Variants in TMC2 observed in about 807,000 individuals in gnomAD.
TMC2 encodes transmembrane channel like 2, also known as transmembrane channel-like protein 2.
Under a neutral mutation model 105.9 loss-of-function variants are expected in TMC2, and 102 were observed. The ratio of observed to expected loss-of-function variants is 0.96; its 90% confidence interval spans 0.82 to 1.14. The LOEUF (loss-of-function observed/expected upper bound fraction) is 1.14. TMC2 is among the 50% of genes most tolerant of loss of function. The pLI is 0.00. For synonymous variants in TMC2, 402 were observed against 422.8 expected (o/e 0.95, Z 0.60); for missense variants, 1,093 against 1,134.3 (o/e 0.96, Z 0.52).
intron 9 of TMC2, among the ~76,000 whole-genome samples, chr20:2,596,398 G>A (rs940592325): frequency 7.2e-5 from 11 of 152,126 alleles, no homozygotes; most frequent in South Asian, 6.2e-4. Flanking sequence ...TTGGGAGGCC[G>A]AGGCAGGCAG....
chr20:2,629,280 G>A (rs545220976), intron 17 of TMC2, among the ~76,000 whole-genome samples: 1 of 151,936 alleles, frequency 6.6e-6, no homozygotes, highest in African/African-American at 2.4e-5. Flanking sequence ...TACCTTCCAT[G>A]GGAAAAACAA....
At chr20:2,572,655 G>T (rs1194365971) in intron 5 of TMC2, among the ~76,000 whole-genome samples, 1 of 152,204 alleles carries the variant, frequency 6.6e-6, no homozygotes. Context: ...TCCCCAGACG[G>T]ATGGGGGCAG....
intron 11 of TMC2, among the ~76,000 whole-genome samples, chr20:2,602,550 A>T (rs1254164432): frequency 6.6e-6 from 1 of 152,218 alleles, no homozygotes; most frequent in African/African-American, 2.4e-5. Flanking sequence ...TGCAACACCA[A>T]TTACTAACGA....
In TMC2 at chr20:2,572,219, G is replaced by A. The variant is rs773991098; in HGVS notation, c.595G>A (p.Gly199Arg). The A allele has an allele frequency of 1.2e-6, 2 of 1,613,440 alleles. No individual in the cohort carries two copies. The highest frequency in any genetic ancestry group is 4.5e-5 in the East Asian group (2 of 44,886). Reference protein sequence around the residue: ...EFVEKYEGALGKGKGKQLYAY... With the variant: ...EFVEKYEGALRKGKGKQLYAY... ...TGTGGAGAAGTATGAAGGTGCCTTGGGAAAGGGGAAAGGCAAGCAACTATA... is the reference window on the plus strand; with the variant it reads ...TGTGGAGAAGTATGAAGGTGCCTTGAGAAAGGGGAAAGGCAAGCAACTATA... The change falls in exon 5 of 20, where the codon GGA becomes AGA. Residue 199 changes from glycine (G) to arginine (R), a missense_variant. Physicochemically the swap from Gly to Arg is moderately radical, Grantham distance 125. Coordinates refer to ENST00000358864, the MANE Select transcript of TMC2 (RefSeq NM_080751.3).
In TMC2 at chr20:2,616,299, A is replaced by AGGACT; in HGVS notation, c.1940+95_1940+96insGGACT. ...AACTTAACTAGTTGGAAGAGGCTAG[A>AGGACT]TAAGTCCTCTTGCCTCTCTGAACTC... is the stretch of plus-strand genomic sequence containing the variant. On this transcript the variant is annotated intron_variant, in intron 15 of 19. Coordinates refer to ENST00000358864, the MANE Select transcript of TMC2 (RefSeq NM_080751.3). This position sits in a 1 kb window ranked among gnomAD's most constrained non-coding sequence, Gnocchi z 4.8. The AGGACT allele has an allele frequency of 3.0e-6, 3 of 1,012,594 alleles. No homozygotes were observed. The highest frequency in any genetic ancestry group is 2.4e-5 in the East Asian group (1 of 42,068). The allele number at this position is 1,012,594 out of a possible 1,614,324, so 62.7% of individuals were successfully genotyped here.
chr20:2,610,649 A>G, intron 12 of TMC2, 51 bp downstream of exon 12: 3 of 1,162,492 alleles, frequency 2.6e-6, no homozygotes, highest in Non-Finnish European at 2.2e-6. Flanking sequence ...TGCCCATAGT[A>G]TTTTCTTTTT....
rs1007082527 is a variant in TMC2, at chr20:2,616,625, TC to T, written c.1940+424del. 1.6e-3 allele frequency among the ~76,000 whole-genome samples: 244 copies of T among 152,162 alleles called. 3 individuals carry two copies. The highest frequency in any genetic ancestry group is 5.8e-3 in the African/African-American group (239 of 41,516). On this transcript the variant is annotated intron_variant, in intron 15 of 19. Transcript: ENST00000358864. This position sits in a 1 kb window ranked among gnomAD's most constrained non-coding sequence, Gnocchi z 4.8. ...GTGGAAGGTAAATGAACTATGGAAC[TC>T]CCTCTTCTGAAAAGGGAGTTCAAGG...
At chr20:2,603,047 G>A (rs191540695) in intron 11 of TMC2, among the ~76,000 whole-genome samples, 9 of 152,110 alleles carry the variant, frequency 5.9e-5, no homozygotes, top group Non-Finnish European at 1.0e-4. Flanking sequence ...CTGCTTTTGG[G>A]AACCCTGAGA....
intron 10 of TMC2, among the ~76,000 whole-genome samples, chr20:2,601,202 GC>G (rs2086349471): frequency 6.6e-6 from 1 of 152,198 alleles, no homozygotes; most frequent in South Asian, 2.1e-4. Flanking sequence ...TGGCCCACAG[GC>G]CAAATCCAGC....
At chr20:2,606,895 T>C (rs1409105033) in intron 11 of TMC2, among the ~76,000 whole-genome samples, 3 of 101,260 alleles carry the variant, frequency 3.0e-5, no homozygotes, top group African/African-American at 8.2e-5. Context: ...TTTTTTCTTT[T>C]TTTTTTTTTT....
At chr20:2,583,950 G>T (rs183003680) in intron 7 of TMC2, among the ~76,000 whole-genome samples, 74 of 152,204 alleles carry the variant, frequency 4.9e-4, no homozygotes, top group African/African-American at 1.8e-3. Context: ...ACATTTTAGG[G>T]TAATTTGTTA....
chr20:2,607,996 T>C (rs1350071790), intron 11 of TMC2, among the ~76,000 whole-genome samples: 2 of 151,958 alleles, frequency 1.3e-5, no homozygotes, highest in African/African-American at 4.8e-5. Flanking sequence ...TGGTGGCGCA[T>C]GCCTGTAGTC....
chr20:2,564,321 T>C (rs924674905), intron 4 of TMC2, among the ~76,000 whole-genome samples: 9 of 152,040 alleles, frequency 5.9e-5, no homozygotes, highest in African/African-American at 2.2e-4. Context: ...CAGCTAATTT[T>C]CTGTATTTTT....
At chr20:2,550,242 G>A (rs1041710336) in intron 2 of TMC2, among the ~76,000 whole-genome samples, 1 of 151,974 alleles carries the variant, frequency 6.6e-6, no homozygotes, top group Admixed American at 6.6e-5. Context: ...CCAGCCACTC[G>A]GCAGGCTGAG....
intron 2 of TMC2, among the ~76,000 whole-genome samples, chr20:2,557,929 C>T (rs866166409): frequency 2.0e-5 from 3 of 152,142 alleles, no homozygotes; most frequent in African/African-American, 7.2e-5. Context: ...GTGGATGAGA[C>T]CCCAATAACA....
At chr20:2,539,786 T>A (rs1038552697) in intron 2 of TMC2, among the ~76,000 whole-genome samples, 1 of 152,174 alleles carries the variant, frequency 6.6e-6, no homozygotes, top group African/African-American at 2.4e-5. Flanking sequence ...TAACACTGAC[T>A]AGCTTCCTAC....
chr20:2,595,358 C>A (rs1255342680), intron 9 of TMC2, among the ~76,000 whole-genome samples: 1 of 152,178 alleles, frequency 6.6e-6, no homozygotes, highest in Admixed American at 6.5e-5. Context: ...GTTTGTCAGG[C>A]CTGTTTTTGC....
chr20:2,594,935 G>C lies in TMC2; in HGVS notation c.1044G>C (p.Val348=). 6.2e-7 allele frequency: 1 copy of C among 1,614,096 alleles called. No homozygotes were observed. Among genetic ancestry groups the C allele is most frequent in the South Asian group, 1.1e-5 (1 of 91,062 alleles). Residue 348 remains valine (V), a synonymous_variant, in exon 9 of 20, where the codon GTG becomes GTC. Transcript: ENST00000358864. ...PMAYFMVGVS[V]FGYSLIIVIR... The stretch of plus-strand genomic sequence containing the variant: ...CTTACTTTATGGTGGGGGTCAGCGT[G>C]TTCGGCTACAGCCTGATTATTGTCA...
intron 4 of TMC2, among the ~76,000 whole-genome samples, chr20:2,563,122 C>T (rs1437941844): frequency 1.8e-4 from 28 of 152,124 alleles, no homozygotes; most frequent in Admixed American, 1.6e-3. Flanking sequence ...GCCCATGCTC[C>T]CTGGCTCCTC....
Sources: gnomAD v4.1 joint callset for allele counts (sites outside exome capture counted in the v4.1 genomes callset) on GRCh38, gnomAD v4.1.1 for gene constraint, Gnocchi (gnomAD v3.1) non-coding constraint, MANE v1.5 for transcripts, NCBI Gene and HGNC (gene_info 2026-07-23, HGNC 2026-07-21) for gene names.